CXCL13: variants seen among roughly 807,000 people sequenced by gnomAD.
CXCL13 encodes the protein C-X-C motif chemokine 13.
Under a neutral mutation model 12.2 loss-of-function variants are expected in CXCL13, and 7 were observed. That is an observed-to-expected ratio of 0.57 (90% CI 0.33 to 1.07). The LOEUF (loss-of-function observed/expected upper bound fraction) is 1.07, where lower values mean the gene tolerates loss of function less well. Among genes scored for constraint, CXCL13 ranks in the 50% least tolerant of loss-of-function variants. The pLI is 0.04. For synonymous variants in CXCL13, 47 were observed against 42.4 expected, an observed-to-expected ratio of 1.11 and a Z score of -0.42; for missense variants, 113 against 127.4, an observed-to-expected ratio of 0.89 and a Z score of 0.55.
At chr4:77,558,630 G>A (rs959319999) in intron 1 of CXCL13, among the ~76,000 whole-genome samples, 20 of 152,166 alleles carry the variant, frequency 1.3e-4, no homozygotes, top group African/African-American at 4.6e-4. Context: ...TGGAATTACA[G>A]GAATGCGCCA....
chr4:77,597,673 T>C (rs1726795413), intron 1 of CXCL13, among the ~76,000 whole-genome samples: 1 of 151,892 alleles, frequency 6.6e-6, no homozygotes, highest in African/African-American at 2.4e-5. Context: ...TCTTGGAATA[T>C]GGAAGAAGTT....
intron 1 of CXCL13, among the ~76,000 whole-genome samples, chr4:77,586,026 C>T (rs558124908): frequency 1.3e-5 from 2 of 152,224 alleles, no homozygotes; most frequent in South Asian, 2.1e-4. Flanking sequence ...AATAAATTAA[C>T]ACTTGTGAAA....
At chr4:77,545,731 C>A (rs1725345788) in intron 1 of CXCL13, among the ~76,000 whole-genome samples, 1 of 152,200 alleles carries the variant, frequency 6.6e-6, no homozygotes, top group African/African-American at 2.4e-5. Context: ...TAATTGAATA[C>A]CCTTTATTTC....
intron 1 of CXCL13, among the ~76,000 whole-genome samples, chr4:77,558,461 T>C (rs145085737): frequency 1.3e-5 from 2 of 152,290 alleles, no homozygotes; most frequent in East Asian, 3.9e-4. Flanking sequence ...CAAGCAATTC[T>C]CCCACTTCAG....
intron 2 of CXCL13, among the ~76,000 whole-genome samples, chr4:77,610,389 C>A (rs1727117684): frequency 6.6e-6 from 1 of 152,104 alleles, no homozygotes; most frequent in Admixed American, 6.5e-5. Flanking sequence ...GCCCTCGCAG[C>A]TTTGGATTCA....
intron 1 of CXCL13, among the ~76,000 whole-genome samples, chr4:77,588,399 G>A (rs2650917): frequency 0.089 from 13,502 of 152,192 alleles, 1,666 homozygotes; most frequent in African/African-American, 0.27. Context: ...AGGGATTCAG[G>A]TGTGACACCT....
At position 77,568,793 on chromosome 4, in the gene CXCL13, G is replaced by A. The variant is rs190970698; in HGVS notation, c.-42-37031G>A. On this transcript the variant is annotated intron_variant, in intron 1 of 4. Transcript: ENST00000286758. Reference sequence around the variant, plus strand: ...TGTTTGGCATTGGCATTCTCTCTAGGATTGTGGGTTACAGTCCCACCCTAG... The same window carrying A: ...TGTTTGGCATTGGCATTCTCTCTAGAATTGTGGGTTACAGTCCCACCCTAG... Among the ~76,000 whole-genome samples, 6 of 152,238 alleles carry A rather than the reference G, an allele frequency of 3.9e-5. No individual in the cohort carries two copies. In the East Asian group the frequency reaches 1.2e-3, roughly 29 times the overall value.
chr4:77,532,260 A>G (rs1162215353), intron 1 of CXCL13, among the ~76,000 whole-genome samples: 4 of 152,176 alleles, frequency 2.6e-5, no homozygotes, highest in African/African-American at 9.7e-5. Context: ...AAAATCTCTC[A>G]GCATTTGCTT....
chr4:77,545,662 T>A (rs1029740268), intron 1 of CXCL13, among the ~76,000 whole-genome samples: 2 of 152,034 alleles, frequency 1.3e-5, no homozygotes, highest in Non-Finnish European at 1.5e-5. Context: ...GATGACGGGG[T>A]TTTCTAAATA....
chr4:77,528,048 C>G (rs531956701), intron 1 of CXCL13, among the ~76,000 whole-genome samples: 1 of 151,970 alleles, frequency 6.6e-6, no homozygotes, highest in African/African-American at 2.4e-5. Flanking sequence ...TTTGTCCTTG[C>G]GATAGTTTGC....
At position 77,564,106 on chromosome 4, in the gene CXCL13, G is replaced by C. The variant is rs1228381548; in HGVS notation, c.-42-41718G>C. Among the ~76,000 whole-genome samples, 3 of 152,050 alleles carry C rather than the reference G, an allele frequency of 2.0e-5. No individual in the cohort carries two copies. The South Asian group carries it at 6.2e-4, about 32-fold the overall frequency. On this transcript the variant is annotated intron_variant, in intron 1 of 4. Transcript: ENST00000286758. ...CCAGATCCTGGAAATTATGAACCCG[G>C]TCCCATTTGTATTAATTAAAAACTC...
chr4:77,558,810 C>T (rs1003742543), intron 1 of CXCL13, among the ~76,000 whole-genome samples: 1 of 152,178 alleles, frequency 6.6e-6, no homozygotes, highest in Non-Finnish European at 1.5e-5. Context: ...TGAGTTGAAC[C>T]TCCTTTGGGA....
At chr4:77,527,586 C>G (rs1481265459) in intron 1 of CXCL13, among the ~76,000 whole-genome samples, 1 of 151,810 alleles carries the variant, frequency 6.6e-6, no homozygotes, top group African/African-American at 2.4e-5. Flanking sequence ...GAACCAAGAT[C>G]ATGCCACTGC....
intron 1 of CXCL13, among the ~76,000 whole-genome samples, chr4:77,537,294 G>T (rs906429395): frequency 1.3e-5 from 2 of 152,200 alleles, no homozygotes; most frequent in Admixed American, 1.3e-4. Context: ...GAACACGACT[G>T]CAGAGAGGAG....
At position 77,610,980 on chromosome 4, in the gene CXCL13, C is replaced by T; in HGVS notation, c.279-8C>T. 1.2e-6 allele frequency: 2 copies of T among 1,608,430 alleles called. No homozygotes were observed. The highest frequency in any genetic ancestry group is 1.7e-6 in the Non-Finnish European group (2 of 1,178,470). ...CATGACAATTTTGTTTTTGTTTCTG[C>T]TTCACAGAAGAAGTTCTTCAACTCT... On this transcript the variant is annotated splice_region_variant and splice_polypyrimidine_tract_variant and intron_variant, in intron 3 of 3. Transcript: ENST00000682537.
chr4:77,544,786 A>G (rs1369953772), intron 1 of CXCL13, among the ~76,000 whole-genome samples: 1 of 152,266 alleles, frequency 6.6e-6, no homozygotes, highest in East Asian at 1.9e-4. Flanking sequence ...TTTTGTTGCC[A>G]TTGCTTTTGG....
intron 1 of CXCL13, among the ~76,000 whole-genome samples, chr4:77,600,191 C>T (rs761709656): frequency 6.6e-6 from 1 of 151,506 alleles, no homozygotes; most frequent in African/African-American, 2.4e-5. Context: ...TGAATAGATA[C>T]CAATGTGAGA....
At chr4:77,543,245 G>GT (rs756754571) in intron 1 of CXCL13, among the ~76,000 whole-genome samples, 8 of 151,586 alleles carry the variant, frequency 5.3e-5, no homozygotes, top group Middle Eastern at 3.4e-3. Flanking sequence ...TATTTTTCCT[G>GT]TTTTTTTCAT....
chr4:77,578,928 C>G (rs1726254401), intron 1 of CXCL13, among the ~76,000 whole-genome samples: 1 of 152,226 alleles, frequency 6.6e-6, no homozygotes, highest in Non-Finnish European at 1.5e-5. Flanking sequence ...CTACATCTGG[C>G]CAGTAAGATG....
Sources: gnomAD v4.1 joint callset for allele counts (sites outside exome capture counted in the v4.1 genomes callset) on GRCh38, gnomAD v4.1.1 for gene constraint, MANE v1.5 for transcripts, NCBI Gene and HGNC (gene_info 2026-07-23, HGNC 2026-07-21) for gene names.